Variants in DAB1 observed in about 807,000 individuals in gnomAD.
The protein encoded by DAB1 is DAB adaptor protein 1, also known as disabled homolog 1.
A neutral mutation model predicts 64.6 loss-of-function variants in DAB1; 15 were observed. The ratio of observed to expected loss-of-function variants is 0.23; its 90% CI spans 0.16 to 0.36. DAB1 has a LOEUF of 0.36. Among genes scored for constraint, DAB1 ranks in the 10% least tolerant of loss-of-function variants. The pLI is 1.00. For missense variants in DAB1, 596 were observed against 706.7 expected (o/e 0.84, Z 1.78); for synonymous variants, 235 against 251.9 (o/e 0.93, Z 0.64).
In DAB1 at chr1:57,073,499, T is replaced by A. The variant is rs566907843; in HGVS notation, c.307-1085A>T. On this transcript the variant is annotated intron_variant, in intron 4 of 14. Coordinates refer to ENST00000371236, the MANE Select transcript of DAB1 (RefSeq NM_001365792.1). ...AACGGTTATTTTCCTATACTAAACCTACTTGAAACAATCCTCATTCAACAG... is the reference window on the plus strand; with the variant it reads ...AACGGTTATTTTCCTATACTAAACCAACTTGAAACAATCCTCATTCAACAG... 1.1e-4 allele frequency among the ~76,000 whole-genome samples: 17 copies of A among 152,338 alleles called. 1 individual carries two copies. In the South Asian group the frequency reaches 1.9e-3, roughly 17 times the overall value.
At chr1:57,691,679 T>C (rs890920972) in intron 6 of DAB1, among the ~76,000 whole-genome samples, 1 of 151,968 alleles carries the variant, frequency 6.6e-6, no homozygotes, top group East Asian at 1.9e-4. Context: ...GGACACACCA[T>C]CTTTAAGAGC....
chr1:58,510,019 C>T (rs1305483098), intron 2 of DAB1, among the ~76,000 whole-genome samples: 1 of 151,966 alleles, frequency 6.6e-6, no homozygotes, highest in Non-Finnish European at 1.5e-5. Context: ...AAGAAAAGCC[C>T]AGAACCAGAT....
intron 4 of DAB1, among the ~76,000 whole-genome samples, chr1:57,090,785 A>G (rs474194): frequency 0.9 from 136,090 of 152,040 alleles, 60,980 homozygotes; most frequent in Middle Eastern, 0.95. Flanking sequence ...CCCCCGGACC[A>G]TGGCCAGGTA....
intron 1 of DAB1, among the ~76,000 whole-genome samples, chr1:57,397,541 G>A (rs1436059322): frequency 1.3e-5 from 2 of 152,178 alleles, no homozygotes; most frequent in Non-Finnish European, 2.9e-5. Context: ...GCTGGGCTCT[G>A]AGGAAAGGAG....
chr1:57,152,196 C>T (rs752581579), intron 2 of DAB1, among the ~76,000 whole-genome samples: 1 of 152,150 alleles, frequency 6.6e-6, no homozygotes, highest in African/African-American at 2.4e-5. Context: ...GTGAGCATAC[C>T]TCTGGCAGGT....
intron 4 of DAB1, among the ~76,000 whole-genome samples, chr1:58,283,916 C>T (rs1661624212): frequency 6.6e-6 from 1 of 152,180 alleles, no homozygotes; most frequent in African/African-American, 2.4e-5. Context: ...ATACACAGTG[C>T]CTGGCTCAGT....
intron 7 of DAB1, among the ~76,000 whole-genome samples, chr1:57,489,693 A>G (rs1055638122): frequency 6.6e-5 from 10 of 152,206 alleles, no homozygotes; most frequent in African/African-American, 2.4e-4. Flanking sequence ...TGAATGAAAC[A>G]TAATTGTGCA....
intron 1 of DAB1, among the ~76,000 whole-genome samples, chr1:57,412,759 G>A (rs1019927225): frequency 6.6e-6 from 1 of 152,204 alleles, no homozygotes; most frequent in Non-Finnish European, 1.5e-5. Context: ...GAATTATAAG[G>A]AAAGAAGCCA....
intron 6 of DAB1, among the ~76,000 whole-genome samples, chr1:57,657,454 C>A (rs958928276): frequency 6.6e-6 from 1 of 152,190 alleles, no homozygotes; most frequent in African/African-American, 2.4e-5. Context: ...GCTCCCATTG[C>A]AGGGTGTCAC....
intron 6 of DAB1, among the ~76,000 whole-genome samples, chr1:57,816,982 A>G (rs1651885101): frequency 6.6e-6 from 1 of 152,084 alleles, no homozygotes; most frequent in Non-Finnish European, 1.5e-5. Context: ...CTCAAGACGA[A>G]ATTATCTCAT....
In DAB1 at chr1:57,621,172, AGTGT is replaced by A. The variant is rs141990401; in HGVS notation, n.625+28416_625+28419del. Among the ~76,000 whole-genome samples the A allele has an allele frequency of 2.7e-5, 4 of 149,808 alleles. No homozygotes were observed. The Admixed American group carries it at 2.7e-4, about 10-fold the overall frequency. ...GGAGACAACAGAATTCATAAGCTTG[AGTGT>A]GTGTGTGTGTATGTGTGTGTGCACA... On this transcript the variant is annotated intron_variant and non_coding_transcript_variant, in intron 7 of 20. Coordinates refer to the DAB1 transcript ENST00000485760.
In DAB1 at chr1:57,323,948, T is replaced by C. The variant is rs1282957810; in HGVS notation, c.-136-32782A>G. Among the ~76,000 whole-genome samples, 5 of 152,156 alleles carry C rather than the reference T, an allele frequency of 3.3e-5. No individual in the cohort carries two copies. The East Asian group carries it at 5.8e-4, about 18-fold the overall frequency. On this transcript the variant is annotated intron_variant, in intron 1 of 14. Transcript: ENST00000371236. ...TTGCTGAAGGTGAGTGGGATTTCTC[T>C]CTAATCTGAGAGCAACACAGCCCAA...
At chr1:58,013,104 C>T (rs1169240381) in intron 5 of DAB1, among the ~76,000 whole-genome samples, 1 of 152,188 alleles carries the variant, frequency 6.6e-6, no homozygotes, top group Non-Finnish European at 1.5e-5. Flanking sequence ...ACACCCCTGA[C>T]TCTCATGGCA....
At chr1:57,927,035 C>A (rs1205659713) in intron 5 of DAB1, among the ~76,000 whole-genome samples, 2 of 152,196 alleles carry the variant, frequency 1.3e-5, no homozygotes, top group Non-Finnish European at 2.9e-5. Context: ...ACCTCTGCTA[C>A]TCCCTAGTTC....
intron 7 of DAB1, among the ~76,000 whole-genome samples, chr1:57,492,958 A>G (rs1356675006): frequency 1.3e-5 from 2 of 152,062 alleles, no homozygotes; most frequent in Non-Finnish European, 2.9e-5. Flanking sequence ...TCATGAAGCT[A>G]TCCCTGGCTT....
At chr1:57,396,872 T>C (rs1682851585) in intron 1 of DAB1, among the ~76,000 whole-genome samples, 1 of 152,210 alleles carries the variant, frequency 6.6e-6, no homozygotes, top group African/African-American at 2.4e-5. Context: ...GGATCTTTAT[T>C]ATATAGAATG....
chr1:57,658,310 T>TA (rs1249371071), intron 6 of DAB1, among the ~76,000 whole-genome samples: 5 of 149,806 alleles, frequency 3.3e-5, no homozygotes, highest in Middle Eastern at 3.2e-3. Flanking sequence ...TTTGTTCTTT[T>TA]TTTTTTTTTT....
chr1:58,094,414 A>G (rs1361684849), intron 5 of DAB1, among the ~76,000 whole-genome samples: 1 of 152,220 alleles, frequency 6.6e-6, no homozygotes, highest in East Asian at 1.9e-4. Context: ...ATTCTTCCTT[A>G]CTTCCTCATT....
chr1:57,306,771 A>G (rs1674221575), intron 1 of DAB1: 1 of 152,304 alleles, frequency 6.6e-6, no homozygotes, highest in South Asian at 2.1e-4. Context: ...CTTTGGATGA[A>G]GTATTACTAA....
Sources: allele counts gnomAD v4.1 joint callset (sites outside exome capture counted in the v4.1 genomes callset), GRCh38; gene constraint gnomAD v4.1.1; transcripts MANE v1.5; gene names NCBI Gene and HGNC (gene_info 2026-07-23, HGNC 2026-07-21).